The following ZYG11B variants were observed in gnomAD, a reference collection of about 807,000 sequenced individuals.
ZYG11B encodes protein zyg-11 homolog B.
Under a neutral mutation model 82.4 loss-of-function variants are expected in ZYG11B, and 36 were observed. The observed-to-expected ratio is 0.44, with a 90% CI of 0.33 to 0.58. ZYG11B has a LOEUF of 0.58. Ranked by LOEUF, ZYG11B falls within the 20% of genes least tolerant of loss-of-function variation. The pLI is 0.02. For missense variants in ZYG11B, 552 were observed against 895.6 expected, an observed-to-expected ratio of 0.62 and a Z score of 4.90; for synonymous variants, 303 against 312.8, an observed-to-expected ratio of 0.97 and a Z score of 0.33.
chr1:52,750,559 C>T (rs757540571), intron 1 of ZYG11B, among the ~76,000 whole-genome samples: 7 of 152,176 alleles, frequency 4.6e-5, no homozygotes, highest in Non-Finnish European at 7.3e-5. Context: ...AGGTGTGAGC[C>T]ATCGTGCCTG....
intron 2 of ZYG11B, among the ~76,000 whole-genome samples, chr1:52,758,198 CAAA>C (rs11325463): frequency 1.1e-4 from 7 of 66,468 alleles, no homozygotes; most frequent in South Asian, 5.1e-4. Context: ...GACTCTGTCT[CAAA>C]AAAAAAAAAA....
chr1:52,785,027 A>G lies in ZYG11B; in HGVS notation c.1243A>G (p.Met415Val). ...TGTGACCCATTTGCTGCTCAAAGCC[A>G]TGGAACATTTTCCCAATCACCAGCA... The part of the protein sequence containing the change: ...ADVTHLLLKA[M>V]EHFPNHQQLQ... The change falls in exon 5 of 14, where the codon ATG becomes GTG. Residue 415 changes from methionine to valine, a missense_variant. Physicochemically the swap from Met to Val is conservative, Grantham distance 21. Coordinates refer to ENST00000294353, the MANE Select transcript of ZYG11B (RefSeq NM_024646.3). The G allele has an allele frequency of 6.2e-7, 1 of 1,613,104 alleles. No individual in the cohort carries two copies. Among genetic ancestry groups the G allele is most frequent in the Non-Finnish European group, 8.5e-7 (1 of 1,179,848 alleles).
chr1:52,791,896 TA>T (rs1355377251), intron 6 of ZYG11B, among the ~76,000 whole-genome samples: 2 of 152,336 alleles, frequency 1.3e-5, no homozygotes, highest in East Asian at 3.9e-4. Context: ...GTCACTCTCC[TA>T]AAGATTATAT....
chr1:52,766,228 C>G (rs1202236726), intron 2 of ZYG11B, among the ~76,000 whole-genome samples: 1 of 149,690 alleles, frequency 6.7e-6, no homozygotes, highest in South Asian at 2.1e-4. Context: ...TCAAGTGATT[C>G]TTCTGTCTCA....
At chr1:52,776,219 T>TAAAAAAAAAAAA (rs1165031214) in intron 3 of ZYG11B, among the ~76,000 whole-genome samples, 7 of 42,500 alleles carry the variant, frequency 1.6e-4, no homozygotes, top group African/African-American at 3.7e-4. Context: ...AACTCTGTCT[T>TAAAAAAAAAAAA]AAAAAAAAAA....
intron 2 of ZYG11B, among the ~76,000 whole-genome samples, chr1:52,766,084 ATTTTTTTCTT>A (rs1242411125): frequency 1.5e-5 from 2 of 134,476 alleles, no homozygotes; most frequent in Admixed American, 7.3e-5. Flanking sequence ...GTCTGTTTTC[ATTTTTTTCTT>A]TTTTTCCTTA....
intron 6 of ZYG11B, among the ~76,000 whole-genome samples, chr1:52,790,715 CAAAAA>C (rs755866491): frequency 4.0e-5 from 2 of 49,706 alleles, no homozygotes; most frequent in Middle Eastern, 0.028. Flanking sequence ...AAGACTGTCT[CAAAAA>C]AAAAAAAAAA....
intron 1 of ZYG11B, among the ~76,000 whole-genome samples, chr1:52,753,405 GGTT>G (rs1160907176): frequency 6.8e-6 from 1 of 147,802 alleles, no homozygotes; most frequent in Non-Finnish European, 1.5e-5. Flanking sequence ...TTCTTCTTCT[GGTT>G]GTTGTTGTTG....
chr1:52,735,116 C>T (rs1031302331), intron 1 of ZYG11B, among the ~76,000 whole-genome samples: 4 of 151,516 alleles, frequency 2.6e-5, no homozygotes, highest in Non-Finnish European at 4.4e-5. Flanking sequence ...CCGCAGCCTC[C>T]GCCTCCCAGG....
intron 1 of ZYG11B, among the ~76,000 whole-genome samples, chr1:52,729,843 C>G (rs1644315502): frequency 6.6e-6 from 1 of 151,998 alleles, no homozygotes; most frequent in African/African-American, 2.4e-5. Context: ...GGGTCTTGCT[C>G]TGTCCCTAAG....
chr1:52,794,848 A>C (rs957180658), intron 6 of ZYG11B, among the ~76,000 whole-genome samples: 1 of 152,064 alleles, frequency 6.6e-6, no homozygotes, highest in African/African-American at 2.4e-5. Context: ...ATTTCTCTTC[A>C]CTTCCATTTC....
intron 1 of ZYG11B, among the ~76,000 whole-genome samples, chr1:52,735,647 C>G (rs1465428127): frequency 6.6e-6 from 1 of 152,108 alleles, no homozygotes; most frequent in African/African-American, 2.4e-5. Context: ...AGTGATTCTC[C>G]TGCCTCAGCC....
rs370337731 is a variant in ZYG11B, at chr1:52,761,332, A to G, written c.196+4709A>G. On this transcript the variant is annotated intron_variant, in intron 2 of 13. Transcript: ENST00000294353. ...CGTATCCTTTAATCAATCTCTGCCT[A>G]TCCTCCTCTTCTCTCTACAAGTCTC... 7.2e-5 allele frequency among the ~76,000 whole-genome samples: 11 copies of G among 152,306 alleles called. No homozygotes were observed. In the East Asian group the frequency reaches 1.7e-3, roughly 24 times the overall value.
chr1:52,757,808 G>A (rs537373046), intron 2 of ZYG11B, among the ~76,000 whole-genome samples: 2 of 152,210 alleles, frequency 1.3e-5, no homozygotes, highest in Admixed American at 6.5e-5. Flanking sequence ...TAGTACTTTG[G>A]TTTTCAAAAA....
intron 13 of ZYG11B, among the ~76,000 whole-genome samples, chr1:52,819,473 T>TA (rs1452317619): frequency 6.6e-6 from 1 of 151,950 alleles, no homozygotes; most frequent in Non-Finnish European, 1.5e-5. Flanking sequence ...TAGGAGAAAA[T>TA]AAAACATAAT....
intron 10 of ZYG11B, among the ~76,000 whole-genome samples, chr1:52,803,117 T>TAC (rs1172652923): frequency 1.2e-4 from 3 of 25,206 alleles, no homozygotes; most frequent in Non-Finnish European, 2.0e-4. Flanking sequence ...TATATATATA[T>TAC]ACACACATAT....
In ZYG11B at chr1:52,816,678, C is replaced by G. The variant is rs548829130; in HGVS notation, c.2044+49C>G. On this transcript the variant is annotated intron_variant, in intron 13 of 13. Coordinates refer to ENST00000294353, the MANE Select transcript of ZYG11B (RefSeq NM_024646.3). ...GTGTTTTTTTTCTTTAAGTGAAATT[C>G]TCATTTCCCAGGAAAGATATTTCTA... is the stretch of plus-strand genomic sequence containing the variant. 3 of 1,348,638 alleles carry G rather than the reference C, an allele frequency of 2.2e-6. No individual in the cohort carries two copies. In the East Asian group the frequency reaches 6.9e-5, roughly 31 times the overall value. The allele number at this position is 1,348,638 out of a possible 1,614,324, so 83.5% of individuals were successfully genotyped here.
chr1:52,785,103 T>A lies in ZYG11B; in HGVS notation c.1269+50T>A, dbSNP rs762937773. 10 of 1,571,602 alleles carry A rather than the reference T, an allele frequency of 6.4e-6. No homozygotes were observed. The Admixed American group carries it at 1.7e-4, about 27-fold the overall frequency. ...AAATAGTCCTTGTAGTGTCTTCTAC[T>A]CATCTCCTACAGTTCAGTTTAATAG... On this transcript the variant is annotated intron_variant, in intron 5 of 13. Transcript: ENST00000294353.
chr1:52,760,476 A>G (rs1362920001), intron 2 of ZYG11B, among the ~76,000 whole-genome samples: 2 of 152,046 alleles, frequency 1.3e-5, no homozygotes, highest in South Asian at 2.1e-4. Flanking sequence ...AAAACAAAAA[A>G]CTGGTAATAT....
Sources: allele counts gnomAD v4.1 joint callset (sites outside exome capture counted in the v4.1 genomes callset), GRCh38; gene constraint gnomAD v4.1.1; transcripts MANE v1.5; gene names NCBI Gene and HGNC (gene_info 2026-07-23, HGNC 2026-07-21).